Variants in GAN observed in about 807,000 individuals in gnomAD.
GAN encodes epididymis secretory sperm binding protein.
Under a neutral mutation model 71.3 loss-of-function variants are expected in GAN, and 48 were observed. That is an observed-to-expected ratio of 0.67 (90% CI 0.53 to 0.86). The LOEUF (loss-of-function observed/expected upper bound fraction) is 0.86, where lower values mean the gene tolerates loss of function less well. GAN is among the 40% of genes least tolerant of loss of function. GAN has a pLI of 0.00. For missense variants in GAN, 928 were observed against 770.1 expected (o/e 1.21, Z -2.43); for synonymous variants, 386 against 276.8 (o/e 1.39, Z -3.92).
At chr16:81,317,919 TCA>T (rs1389239517) in intron 1 of GAN, among the ~76,000 whole-genome samples, 7 of 152,226 alleles carry the variant, frequency 4.6e-5, no homozygotes, top group African/African-American at 1.7e-4. Flanking sequence ...ATGTGTTTCA[TCA>T]GTGACAGATG....
intron 1 of GAN, among the ~76,000 whole-genome samples, chr16:81,316,125 T>G (rs916600170): frequency 2.0e-5 from 3 of 152,176 alleles, no homozygotes; most frequent in African/African-American, 7.2e-5. Context: ...CTTATACAAG[T>G]GTATCAGATC....
chr16:81,332,166 A>C (rs1165253248), intron 1 of GAN, among the ~76,000 whole-genome samples: 1 of 151,854 alleles, frequency 6.6e-6, no homozygotes, highest in African/African-American at 2.4e-5. Context: ...TGTCTCAAAA[A>C]AAAAAAAAAA....
rs755190396 is a variant in GAN, at chr16:81,390,243, G to T, written c.*12647G>T. 5.3e-5 allele frequency: 8 copies of T among 152,216 alleles called. No homozygotes were observed. Among genetic ancestry groups the T allele is most frequent in the Non-Finnish European group, 8.8e-5 (6 of 68,032 alleles). 9.4% of individuals were successfully genotyped at this position (152,216 alleles called of 1,614,324 possible). The stretch of plus-strand genomic sequence containing the variant: ...TCCCCAAGTTCAGTAGGATAGTAGA[G>T]AAGTCGTGCTAAGTTGATTTCATTG... On this transcript the variant is annotated 3_prime_UTR_variant, in exon 11 of 11. Transcript: ENST00000648994.
At position 81,319,206 on chromosome 16, in the gene GAN, T is replaced by TTATATATATATATATATA. The variant is rs57681055; in HGVS notation, c.167+3928_167+3945dup. Among the ~76,000 whole-genome samples, 411 of 138,740 alleles carry TTATATATATATATATATA rather than the reference T, an allele frequency of 3.0e-3. 1 individual carries two copies. The highest frequency in any genetic ancestry group is 5.2e-3 in the Admixed American group (72 of 13,764). 91.0% of individuals were successfully genotyped at this position (138,740 alleles called of 152,430 possible). On this transcript the variant is annotated intron_variant, in intron 1 of 10. Coordinates refer to ENST00000648994, the MANE Select transcript of GAN (RefSeq NM_022041.4). ...AAATTAAAAAAAAAATAGATATAGA[T>TTATATATATATATATATA]TATATATATATATATATATCTAACA...
intron 1 of GAN, among the ~76,000 whole-genome samples, chr16:81,329,213 C>T (rs1909490393): frequency 6.6e-6 from 1 of 151,894 alleles, no homozygotes; most frequent in African/African-American, 2.4e-5. Context: ...TTCTTTGCCC[C>T]AGCAGAAAAG....
At chr16:81,374,137 AATG>A (rs1904275073) in intron 9 of GAN, among the ~76,000 whole-genome samples, 1 of 152,196 alleles carries the variant, frequency 6.6e-6, no homozygotes, top group African/African-American at 2.4e-5. Flanking sequence ...GGATTGATCT[AATG>A]ATTTCTTGCA....
rs374044823 is a variant in GAN, at chr16:81,358,285, A to G, written c.973+354A>G. On this transcript the variant is annotated intron_variant, in intron 5 of 10. Coordinates refer to ENST00000648994, the MANE Select transcript of GAN (RefSeq NM_022041.4). ...CATGGTAGTCCCATCTTTGAAATTC[A>G]TGCAGCTTAGAATTACAATATGTAA... 5.9e-5 allele frequency among the ~76,000 whole-genome samples: 9 copies of G among 152,316 alleles called. No individual in the cohort carries two copies. The East Asian group carries it at 1.5e-3, about 26-fold the overall frequency.
In GAN at chr16:81,352,704, T is replaced by A. The variant is rs567805091; in HGVS notation, c.282+1007T>A. ...TCTCATCCTTTTTGAAGGTTTTGGTTTGATTTCATGCTTTCTCTCTTCTCT... is the reference window on the plus strand; with the variant it reads ...TCTCATCCTTTTTGAAGGTTTTGGTATGATTTCATGCTTTCTCTCTTCTCT... On this transcript the variant is annotated intron_variant, in intron 2 of 10. Transcript: ENST00000648994. 2.6e-5 allele frequency among the ~76,000 whole-genome samples: 4 copies of A among 152,336 alleles called. No homozygotes were observed. In the South Asian group the frequency reaches 8.3e-4, roughly 32 times the overall value.
At position 81,339,431 on chromosome 16, in the gene GAN, A is replaced by G. The variant is rs140966730; in HGVS notation, c.168-12152A>G. The stretch of plus-strand genomic sequence containing the variant: ...ATATGTGAGAGCACTTCACATTTAA[A>G]GACTTGAGTATTTAAAGACCACTGT... On this transcript the variant is annotated intron_variant, in intron 1 of 10. Transcript: ENST00000648994. Among the ~76,000 whole-genome samples, 447 of 152,342 alleles carry G rather than the reference A, an allele frequency of 2.9e-3. 13 individuals carry two copies. Among genetic ancestry groups the G allele is most frequent in the Admixed American group, 0.026 (396 of 15,302 alleles).
In GAN at chr16:81,315,032, G is replaced by A; in HGVS notation, c.-82G>A. The A allele has an allele frequency of 8.6e-7, 1 of 1,167,636 alleles. No homozygotes were observed. Among genetic ancestry groups the A allele is most frequent in the Non-Finnish European group, 1.1e-6 (1 of 898,720 alleles). 72.3% of individuals were successfully genotyped at this position (1,167,636 alleles called of 1,614,324 possible). On this transcript the variant is annotated 5_prime_UTR_variant, in exon 1 of 11. Coordinates refer to ENST00000648994, the MANE Select transcript of GAN (RefSeq NM_022041.4). ...GCGGAGAGCCGGGCCGGGCGGGCGC[G>A]CGCGCAGGACTCGGGCCGCTCGAGG...
intron 1 of GAN, 40 bp from the exon 2 acceptor site, chr16:81,351,543 G>A (rs770645867): frequency 1.2e-6 from 1 of 841,726 alleles, no homozygotes; most frequent in Non-Finnish European, 2.1e-6. Context: ...AGCTATTTCT[G>A]TTCTTTCATA....
At chr16:81,358,159 A>T (rs1597403512) in intron 5 of GAN, among the ~76,000 whole-genome samples, 1 of 152,178 alleles carries the variant, frequency 6.6e-6, no homozygotes, top group East Asian at 1.9e-4. Flanking sequence ...ACTACTGGAG[A>T]AGCAGTTACT....
chr16:81,344,737 A>G (rs935297211), intron 1 of GAN, among the ~76,000 whole-genome samples: 1 of 152,156 alleles, frequency 6.6e-6, no homozygotes, highest in Admixed American at 6.5e-5. Context: ...GCAATGGCAA[A>G]AAAGCCAAAA....
intron 5 of GAN, among the ~76,000 whole-genome samples, chr16:81,361,622 A>G (rs1469583583): frequency 6.6e-6 from 1 of 152,030 alleles, no homozygotes; most frequent in African/African-American, 2.4e-5. Flanking sequence ...ATGCTTGATA[A>G]CCTCTGTAGG....
At chr16:81,335,100 T>C (rs1008751085) in intron 1 of GAN, among the ~76,000 whole-genome samples, 1 of 127,278 alleles carries the variant, frequency 7.9e-6, no homozygotes, top group Non-Finnish European at 1.6e-5. Context: ...GGAGGTGTTA[T>C]TGGAGCAGAG....
At position 81,359,565 on chromosome 16, in the gene GAN, G is replaced by A. The variant is rs58192562; in HGVS notation, c.973+1634G>A. On this transcript the variant is annotated intron_variant, in intron 5 of 10. Coordinates refer to ENST00000648994, the MANE Select transcript of GAN (RefSeq NM_022041.4). Reference sequence around the variant, plus strand: ...CTGTATTAAGTTAGCAAAGTCCAAAGTTAGTCAGTACCTGTGTTCTCTTCA... The same window carrying A: ...CTGTATTAAGTTAGCAAAGTCCAAAATTAGTCAGTACCTGTGTTCTCTTCA... Among the ~76,000 whole-genome samples the A allele has an allele frequency of 5.6e-3, 860 of 152,246 alleles. 9 individuals carry two copies. The highest frequency in any genetic ancestry group is 0.02 in the African/African-American group (829 of 41,550).
intron 1 of GAN, among the ~76,000 whole-genome samples, chr16:81,344,807 G>A (rs1267674824): frequency 1.3e-5 from 2 of 152,184 alleles, no homozygotes; most frequent in Non-Finnish European, 2.9e-5. Context: ...CCCTCAGAGT[G>A]AACGGGCAAC....
At position 81,377,473 on chromosome 16, in the gene GAN, T is replaced by C; in HGVS notation, c.1671T>C (p.Thr557=). 1.2e-6 allele frequency: 2 copies of C among 1,614,114 alleles called. No homozygotes were observed. Among genetic ancestry groups the C allele is most frequent in the Non-Finnish European group, 1.7e-6 (2 of 1,179,950 alleles). ...FKRSTGTWHH[T]KPLLPSDLRR... ...GAAGCACAGGAACCTGGCACCACAC[T>C]AAACCACTCCTTCCATCCGACCTTC... is the stretch of plus-strand genomic sequence containing the variant. The change falls in exon 11 of 11, where the codon ACT becomes ACC. Residue 557 remains threonine, a synonymous_variant. Coordinates refer to ENST00000648994, the MANE Select transcript of GAN (RefSeq NM_022041.4).
chr16:81,344,987 C>G (rs142628005), intron 1 of GAN, among the ~76,000 whole-genome samples: 4 of 152,168 alleles, frequency 2.6e-5, no homozygotes, highest in African/African-American at 9.6e-5. Context: ...ATGCAACCAA[C>G]AGACATGAAA....
Sources: gnomAD v4.1 joint callset for allele counts (sites outside exome capture counted in the v4.1 genomes callset) on GRCh38, gnomAD v4.1.1 for gene constraint, MANE v1.5 for transcripts, NCBI Gene and HGNC (gene_info 2026-07-23, HGNC 2026-07-21) for gene names.